The following ANKIB1 variants were observed in gnomAD, a reference collection of about 807,000 sequenced individuals.
The protein encoded by ANKIB1 is ankyrin repeat and IBR domain-containing protein 1.
In ANKIB1, 43 loss-of-function variants were observed where a neutral mutation model predicts 122.1. That is an observed-to-expected ratio of 0.35 (90% CI 0.28 to 0.45). The LOEUF (loss-of-function observed/expected upper bound fraction) is 0.45, where lower values mean the gene tolerates loss of function less well. Ranked by LOEUF, ANKIB1 falls within the 20% of genes least tolerant of loss-of-function variation. ANKIB1 has a pLI of 1.00. For missense variants in ANKIB1, 992 were observed against 1,329.5 expected, an observed-to-expected ratio of 0.75 and a Z score of 3.95; for synonymous variants, 390 against 442.0, an observed-to-expected ratio of 0.88 and a Z score of 1.48.
chr7:92,341,873 A>G (rs956809276), intron 5 of ANKIB1, among the ~76,000 whole-genome samples: 1 of 152,166 alleles, frequency 6.6e-6, no homozygotes, highest in Non-Finnish European at 1.5e-5. Context: ...TCAACTTATC[A>G]TATTTTCAGT....
rs539666935 is a variant in ANKIB1, at chr7:92,308,091, C to T, written c.486+435C>T. Among the ~76,000 whole-genome samples, 15 of 152,018 alleles carry T rather than the reference C, an allele frequency of 9.9e-5. No homozygotes were observed. In the South Asian group the frequency reaches 3.1e-3, roughly 32 times the overall value. On this transcript the variant is annotated intron_variant, in intron 3 of 19. Coordinates refer to ENST00000265742, the MANE Select transcript of ANKIB1 (RefSeq NM_019004.2). ...TTCACCATGTTGGCCAGGATGGTCTCCATCTCTTGACCTCGTGATCCACCC... is the reference window on the plus strand; with the variant it reads ...TTCACCATGTTGGCCAGGATGGTCTTCATCTCTTGACCTCGTGATCCACCC...
At position 92,370,237 on chromosome 7, in the gene ANKIB1, G is replaced by A. The variant is rs181957927; in HGVS notation, c.1487-1240G>A. Among the ~76,000 whole-genome samples, 168 of 152,040 alleles carry A rather than the reference G, an allele frequency of 1.1e-3. 1 individual carries two copies. Among genetic ancestry groups the A allele is most frequent in the African/African-American group, 3.6e-3 (151 of 41,490 alleles). On this transcript the variant is annotated intron_variant, in intron 10 of 19. Transcript: ENST00000265742. ...AAGTTGGGTAATGGGGGCCGGGCAC[G>A]GTGGCTCACTCCTGTAATCCCAGCA...
chr7:92,337,668 G>T (rs1262198148), intron 5 of ANKIB1, among the ~76,000 whole-genome samples: 1 of 152,066 alleles, frequency 6.6e-6, no homozygotes, highest in African/African-American at 2.4e-5. Context: ...GATTCTCTTT[G>T]TCAAACAGAC....
chr7:92,352,590 C>G lies in ANKIB1; in HGVS notation c.1345C>G (p.Pro449Ala). The change falls in exon 9 of 20, where the codon CCA becomes GCA. Residue 449 changes from proline to alanine, a missense_variant. Coordinates refer to ENST00000265742, the MANE Select transcript of ANKIB1 (RefSeq NM_019004.2). ...NTSGSDTLSFPLLRAPAVDCG... is the reference protein window; with the variant it reads ...NTSGSDTLSFALLRAPAVDCG... ...ATCTGGATCTGATACACTCAGCTTC[C>G]CATTGCTGAGAGCTCCTGCTGTTGA... 1 of 1,613,212 alleles carries G rather than the reference C, an allele frequency of 6.2e-7. No homozygotes were observed. Among genetic ancestry groups the G allele is most frequent in the Non-Finnish European group, 8.5e-7 (1 of 1,179,726 alleles).
chr7:92,376,452 A>T (rs1210880219), intron 11 of ANKIB1, among the ~76,000 whole-genome samples: 183 of 135,850 alleles, frequency 1.3e-3, no homozygotes, highest in East Asian at 3.8e-3. Context: ...TTTATTTTTT[A>T]TTTTTTTTTT....
chr7:92,396,741 A>G (rs1334935088), intron 18 of ANKIB1, among the ~76,000 whole-genome samples: 4 of 152,180 alleles, frequency 2.6e-5, no homozygotes, highest in African/African-American at 7.2e-5. Flanking sequence ...GGTTGTTTCC[A>G]TATTCTAAAG....
At chr7:92,317,475 A>G (rs1295831351) in intron 3 of ANKIB1, among the ~76,000 whole-genome samples, 1 of 152,192 alleles carries the variant, frequency 6.6e-6, no homozygotes, top group African/African-American at 2.4e-5. Flanking sequence ...CAGAATGACA[A>G]CTTAGAGCCA....
chr7:92,375,489 A>G (rs1804359382), intron 11 of ANKIB1, among the ~76,000 whole-genome samples: 1 of 152,226 alleles, frequency 6.6e-6, no homozygotes, highest in African/African-American at 2.4e-5. Flanking sequence ...TCAAGAAACC[A>G]GTTTCTTTGC....
Position 92,398,383 on chromosome 7 carries a change from A to T in ANKIB1, c.2704A>T (p.Asn902Tyr). The change falls in exon 20 of 20, where the codon AAT becomes TAT. Residue 902 changes from asparagine (N) to tyrosine (Y), a missense_variant. Around this residue, in one of 4 missense-constraint regions of ANKIB1, gnomAD observed 384 missense variants for 412.0 expected, o/e 0.93. Transcript: ENST00000265742. ...TTCCAGGCTGGACTCTGTCCCCAGA[A>T]ATACAGATAGCCCTCGGGCTGCATT... is the stretch of plus-strand genomic sequence containing the variant. Reference protein sequence around the residue: ...LPSRLDSVPRNTDSPRAALSS... With the variant: ...LPSRLDSVPRYTDSPRAALSS... 6 of 1,613,406 alleles carry T rather than the reference A, an allele frequency of 3.7e-6. No individual in the cohort carries two copies. Among genetic ancestry groups the T allele is most frequent in the Non-Finnish European group, 5.1e-6 (6 of 1,179,618 alleles).
chr7:92,392,889 A>G (rs1192387221), intron 17 of ANKIB1, among the ~76,000 whole-genome samples: 1 of 152,084 alleles, frequency 6.6e-6, no homozygotes, highest in East Asian at 1.9e-4. Flanking sequence ...GTTGTGGCAA[A>G]TAAAAATAAG....
chr7:92,396,526 A>G (rs920882008), intron 18 of ANKIB1, 50 bp downstream of exon 18: 32 of 913,098 alleles, frequency 3.5e-5, no homozygotes, highest in Non-Finnish European at 5.1e-5. Context: ...CCCTGAATTT[A>G]TCCTTCAAAC....
intron 9 of ANKIB1, among the ~76,000 whole-genome samples, chr7:92,359,699 G>A (rs993938115): frequency 9.2e-5 from 14 of 152,106 alleles, no homozygotes; most frequent in Admixed American, 7.2e-4. Context: ...GTGTAAAAGC[G>A]TTCCTATTTT....
intron 1 of ANKIB1, among the ~76,000 whole-genome samples, chr7:92,254,527 T>A (rs1480100036): frequency 2.0e-5 from 3 of 152,024 alleles, no homozygotes; most frequent in East Asian, 1.9e-4. Flanking sequence ...AAATGAGTTT[T>A]AAAAAAAAGT....
intron 2 of ANKIB1, 37 bp downstream of exon 2, chr7:92,295,203 T>TA (rs1463237678): frequency 3.7e-6 from 5 of 1,360,088 alleles, no homozygotes; most frequent in Non-Finnish European, 4.8e-6. Flanking sequence ...ATTAGGGTAT[T>TA]ACCGTAAACT....
chr7:92,273,543 T>C (rs763549510), intron 1 of ANKIB1, among the ~76,000 whole-genome samples: 2 of 152,178 alleles, frequency 1.3e-5, no homozygotes, highest in Non-Finnish European at 2.9e-5. Flanking sequence ...GAATCATTGT[T>C]ACAGAAATAA....
intron 1 of ANKIB1, among the ~76,000 whole-genome samples, chr7:92,288,448 A>T (rs1802181510): frequency 6.6e-6 from 1 of 152,224 alleles, no homozygotes; most frequent in Admixed American, 6.5e-5. Context: ...AGTATTGCTA[A>T]AAAGAGAGAC....
At chr7:92,246,634 C>T (rs1179546009) in intron 1 of ANKIB1, 115 bp downstream of exon 1, 51 of 454,534 alleles carry the variant, frequency 1.1e-4, no homozygotes, top group Non-Finnish European at 1.6e-4. Context: ...GTGTGTCTGT[C>T]GCCTGTTTTG....
intron 11 of ANKIB1, among the ~76,000 whole-genome samples, chr7:92,375,766 G>A (rs1330440750): frequency 6.6e-6 from 1 of 152,182 alleles, no homozygotes; most frequent in East Asian, 1.9e-4. Context: ...ATCCTTTCCA[G>A]AAGATTTTCC....
rs1326979581 is a variant in ANKIB1, at chr7:92,398,237, A to T, written c.2558A>T (p.Asp853Val). The T allele has an allele frequency of 6.2e-7, 1 of 1,600,376 alleles. No individual in the cohort carries two copies. Among genetic ancestry groups the T allele is most frequent in the Non-Finnish European group, 8.5e-7 (1 of 1,173,660 alleles). Reference protein sequence around the residue: ...LQALSSLDEDDPNILLAIQLS... With the variant: ...LQALSSLDEDVPNILLAIQLS... ...GCTCTGAGTTCCTTGGATGAAGACG[A>T]TCCCAATATACTTCTTGCAATACAG... The change falls in exon 20 of 20, where the codon GAT (aspartate) becomes GTT (valine). Residue 853 changes from aspartate (D) to valine (V), a missense_variant. This residue lies in a region of ANKIB1 where 384 missense variants were observed against 412.0 expected (regional missense o/e 0.93). Transcript: ENST00000265742.
Sources: gnomAD v4.1 joint callset for allele counts (sites outside exome capture counted in the v4.1 genomes callset) on GRCh38, gnomAD v4.1.1 for gene constraint, gnomAD v4.1.1 regional missense constraint, MANE v1.5 for transcripts, NCBI Gene and HGNC (gene_info 2026-07-23, HGNC 2026-07-21) for gene names.